Variants in IGHMBP2 observed in about 807,000 individuals in gnomAD.
The protein encoded by IGHMBP2 is DNA-binding protein SMUBP-2.
A neutral mutation model predicts 96.0 loss-of-function variants in IGHMBP2; 81 were observed. That is an observed-to-expected ratio of 0.84 (90% CI 0.71 to 1.01). The LOEUF is 1.01. Among genes scored for constraint, IGHMBP2 ranks in the 50% least tolerant of loss-of-function variants. The pLI is 0.00. For missense variants in IGHMBP2, 1,227 were observed against 1,306.3 expected (o/e 0.94, Z 0.94); for synonymous variants, 557 against 548.9 (o/e 1.01, Z -0.21).
At chr11:68,930,295 A>C in intron 8 of IGHMBP2, 2 of 1,287,712 alleles carry the variant, frequency 1.6e-6, no homozygotes, top group Non-Finnish European at 2.0e-6. Context: ...CTTTTGAAAC[A>C]CTTCTCTGTT....
At chr11:68,926,911 G>A (rs563004387) in intron 7 of IGHMBP2, among the ~76,000 whole-genome samples, 32 of 152,174 alleles carry the variant, frequency 2.1e-4, no homozygotes, top group African/African-American at 6.7e-4. Context: ...GATTACAGGC[G>A]TCCACCACCA....
In IGHMBP2 at chr11:68,939,680, G is replaced by A; in HGVS notation, c.2931G>A (p.Leu977=). The A allele has an allele frequency of 6.2e-7, 1 of 1,612,780 alleles. No homozygotes were observed. Among genetic ancestry groups the A allele is most frequent in the Non-Finnish European group, 8.5e-7 (1 of 1,179,732 alleles). ...TGCAGAGGAGGCTGGATAAGAAGCTGAGTGAGCTCAGCAACCAGAGGACCA... is the reference window on the plus strand; with the variant it reads ...TGCAGAGGAGGCTGGATAAGAAGCTAAGTGAGCTCAGCAACCAGAGGACCA... ...AQLQRRLDKK[L]SELSNQRTSR... Residue 977 remains leucine, a synonymous_variant, in exon 15 of 15, where the codon CTG becomes CTA. Transcript: ENST00000255078.
rs181711402 is a variant in IGHMBP2 at position 68,918,024 on chromosome 11, C to T, written c.1060+141C>T. ...GGTAGGGTTCACTAGGGAAGGCCTC[C>T]GTACCTGCAGTTTTCTTCATGGAGA... On this transcript the variant is annotated intron_variant, in intron 7 of 14. Coordinates refer to ENST00000255078, the MANE Select transcript of IGHMBP2 (RefSeq NM_002180.3). The T allele has an allele frequency of 7.5e-4, 615 of 814,690 alleles. 3 individuals carry two copies. Among genetic ancestry groups the T allele is most frequent in the Non-Finnish European group, 5.6e-4 (268 of 481,096 alleles). The allele number at this position is 814,690 out of a possible 1,614,324, so 50.5% of individuals were successfully genotyped here.
At chr11:68,904,730 C>A (rs1447792193) in intron 1 of IGHMBP2, among the ~76,000 whole-genome samples, 1 of 151,810 alleles carries the variant, frequency 6.6e-6, no homozygotes, top group Middle Eastern at 3.2e-3. Context: ...CACTTACGTA[C>A]TTTCCATGCG....
At chr11:68,924,472 G>A (rs1008954115) in intron 7 of IGHMBP2, among the ~76,000 whole-genome samples, 2 of 152,374 alleles carry the variant, frequency 1.3e-5, no homozygotes, top group East Asian at 3.9e-4. Flanking sequence ...ATCTCACAAG[G>A]CTGCGATCGA....
intron 7 of IGHMBP2, among the ~76,000 whole-genome samples, chr11:68,927,156 A>C (rs1276471051): frequency 4.6e-5 from 7 of 152,132 alleles, no homozygotes; most frequent in African/African-American, 1.7e-4. Flanking sequence ...AAAATGGATG[A>C]TTTTAAATAA....
At chr11:68,935,185 G>A (rs1232393544) in intron 11 of IGHMBP2, 114 bp from the exon 12 acceptor site, 8 of 1,424,500 alleles carry the variant, frequency 5.6e-6, no homozygotes, top group African/African-American at 2.8e-5. Flanking sequence ...TGCAGGCTCC[G>A]CTTCCCAGGT....
intron 7 of IGHMBP2, among the ~76,000 whole-genome samples, chr11:68,921,996 T>C (rs1432985927): frequency 1.3e-5 from 2 of 152,214 alleles, no homozygotes; most frequent in Admixed American, 6.5e-5. Context: ...TTATCCTTGT[T>C]CCTTTGTATG....
intron 4 of IGHMBP2, among the ~76,000 whole-genome samples, chr11:68,909,185 TGG>T (rs1350461605): frequency 0.037 from 405 of 11,070 alleles, 7 homozygotes; most frequent in African/African-American, 0.1. Flanking sequence ...GCGGGGGGGG[TGG>T]AGGGGGGGGG....
rs1427744324 is a variant in IGHMBP2 at position 68,933,365 on chromosome 11, G to A, written c.1302G>A (p.Val434=). The part of the protein sequence containing the change: ...ERLAEEYGAR[V]VRTLTVQYRM... ...TGGCTGAGGAGTACGGCGCGAGGGT[G>A]GTGCGGACACTGACGGTGCAGTACC... The change falls in exon 9 of 15, where the codon GTG becomes GTA. Residue 434 remains valine, a synonymous_variant. Coordinates refer to ENST00000255078, the MANE Select transcript of IGHMBP2 (RefSeq NM_002180.3). The A allele has an allele frequency of 1.9e-6, 3 of 1,613,184 alleles. No individual in the cohort carries two copies. Among genetic ancestry groups the A allele is most frequent in the South Asian group, 1.1e-5 (1 of 90,904 alleles).
rs374155757 is a variant in IGHMBP2 at position 68,917,918 on chromosome 11, C to G, written c.1060+35C>G. ...CGTCTCCATCCTGCCTGTGTGGCCT[C>G]GAAGAAGGAGTTGGGGTGTGTTCCC... is the stretch of plus-strand genomic sequence containing the variant. On this transcript the variant is annotated intron_variant, in intron 7 of 14. Coordinates refer to ENST00000255078, the MANE Select transcript of IGHMBP2 (RefSeq NM_002180.3). 9.4e-4 allele frequency: 1,519 copies of G among 1,608,638 alleles called. 26 individuals carry two copies. In the South Asian group the frequency reaches 0.013, roughly 14 times the overall value.
rs61462237 is a variant in IGHMBP2 at position 68,904,807 on chromosome 11, T to TC, written c.86+769_86+770insC. On this transcript the variant is annotated intron_variant, in intron 1 of 14. Coordinates refer to ENST00000255078, the MANE Select transcript of IGHMBP2 (RefSeq NM_002180.3). ...AAGTTTCTTTTTTTTCTTTTTCTTT[T>TC]TTTTTTTTTTAGACAGAGTCTCTCT... 2.2e-4 allele frequency among the ~76,000 whole-genome samples: 30 copies of TC among 135,244 alleles called. No individual in the cohort carries two copies. The South Asian group carries it at 2.3e-3, about 10-fold the overall frequency. The allele number at this position is 135,244 out of a possible 152,430, so 88.7% of individuals were successfully genotyped here.
intron 7 of IGHMBP2, among the ~76,000 whole-genome samples, chr11:68,928,106 T>C (rs1489117310): frequency 6.6e-6 from 1 of 152,224 alleles, no homozygotes; most frequent in East Asian, 1.9e-4. Context: ...TCTCAGAGCT[T>C]GTGAGAGTCT....
chr11:68,907,580 A>T (rs1858252001), intron 2 of IGHMBP2, among the ~76,000 whole-genome samples: 1 of 152,152 alleles, frequency 6.6e-6, no homozygotes, highest in South Asian at 2.1e-4. Flanking sequence ...ACGGAGTTTT[A>T]AATTTCATAT....
intron 7 of IGHMBP2, among the ~76,000 whole-genome samples, chr11:68,927,388 G>A (rs1859113967): frequency 6.6e-6 from 1 of 152,228 alleles, no homozygotes; most frequent in South Asian, 2.1e-4. Context: ...TCTTTGCTGA[G>A]TGGCTCTGTG....
intron 2 of IGHMBP2, chr11:68,906,450 A>G (rs1858198531): frequency 5.0e-6 from 3 of 603,508 alleles, no homozygotes; most frequent in South Asian, 3.8e-5. Context: ...GTGGTCATCA[A>G]ATGTTTGAAG....
intron 7 of IGHMBP2, among the ~76,000 whole-genome samples, chr11:68,923,212 T>C (rs1858942577): frequency 6.6e-6 from 1 of 152,154 alleles, no homozygotes; most frequent in East Asian, 1.9e-4. Flanking sequence ...TTTTTTGTTT[T>C]GTTTTTTTGA....
At chr11:68,904,544 C>A (rs543854060) in intron 1 of IGHMBP2, among the ~76,000 whole-genome samples, 5 of 152,072 alleles carry the variant, frequency 3.3e-5, no homozygotes, top group Admixed American at 2.6e-4. Context: ...GAAGGCCCTT[C>A]CCTGGGGAGG....
chr11:68,904,114 C>T, intron 1 of IGHMBP2, 76 bp downstream of exon 1: 1 of 1,233,030 alleles, frequency 8.1e-7, no homozygotes, highest in Non-Finnish European at 1.2e-6. Flanking sequence ...AGGGGCTCGG[C>T]CTCATAGTCT....
Sources: gnomAD v4.1 joint callset for allele counts (sites outside exome capture counted in the v4.1 genomes callset) on GRCh38, gnomAD v4.1.1 for gene constraint, MANE v1.5 for transcripts, NCBI Gene and HGNC (gene_info 2026-07-23, HGNC 2026-07-21) for gene names.